The following KMT2C variants were observed in gnomAD, a reference collection of about 807,000 sequenced individuals.
KMT2C encodes the protein histone-lysine N-methyltransferase 2C.
In KMT2C, 88 loss-of-function variants were observed where a neutral mutation model predicts 507.9. That is an observed-to-expected ratio of 0.17 (90% CI 0.15 to 0.21). KMT2C has a LOEUF of 0.21. Ranked by LOEUF, KMT2C falls within the 10% of genes least tolerant of loss-of-function variation. KMT2C has a pLI of 1.00. For synonymous variants in KMT2C, 2,049 were observed against 2,080.8 expected (o/e 0.98, Z 0.42); for missense variants, 4,954 against 5,957.8 (o/e 0.83, Z 5.55).
intron 1 of KMT2C, among the ~76,000 whole-genome samples, chr7:152,370,992 CAAG>C: frequency 6.6e-6 from 1 of 152,264 alleles, no homozygotes; most frequent in Admixed American, 6.5e-5. Context: ...ACCTGCCTTA[CAAG>C]AAATGCTAAA....
chr7:152,336,121 T>C (rs2096933003), intron 2 of KMT2C, among the ~76,000 whole-genome samples: 1 of 152,172 alleles, frequency 6.6e-6, no homozygotes, highest in Admixed American at 6.5e-5. Context: ...TTAGATTTTG[T>C]TGTTTCAGTC....
chr7:152,388,351 G>A (rs1051725869), intron 1 of KMT2C, among the ~76,000 whole-genome samples: 5 of 151,974 alleles, frequency 3.3e-5, no homozygotes, highest in Non-Finnish European at 7.4e-5. Flanking sequence ...CTGAGGTCAG[G>A]AGTTCAAGAC....
chr7:152,169,242 C>T lies in KMT2C; in HGVS notation c.9461G>A (p.Ser3154Asn). The change falls in exon 41 of 59, where the codon AGT becomes AAT. Residue 3154 changes from serine to asparagine, a missense_variant. Physicochemically the swap from Ser to Asn is conservative, Grantham distance 46 (BLOSUM62 1). Transcript: ENST00000262189. ...LGPQAIPQDG[S>N]ITHQISRPNP... The stretch of plus-strand genomic sequence containing the variant: ...AGGCCTAGAAATCTGATGTGTTATA[C>T]TGCCATCCTAAAATAAGTAAAATTT... 1.3e-6 allele frequency: 2 copies of T among 1,590,000 alleles called. No homozygotes were observed. The highest frequency in any genetic ancestry group is 1.7e-6 in the Non-Finnish European group (2 of 1,158,520).
intron 6 of KMT2C, among the ~76,000 whole-genome samples, chr7:152,288,664 T>C (rs2129184765): frequency 6.6e-6 from 1 of 152,282 alleles, no homozygotes; most frequent in African/African-American, 2.4e-5. Context: ...GAACAATTAT[T>C]CGAAGACCCA....
chr7:152,216,114 C>T (rs2094576876), intron 23 of KMT2C, among the ~76,000 whole-genome samples: 1 of 152,138 alleles, frequency 6.6e-6, no homozygotes, highest in South Asian at 2.1e-4. Flanking sequence ...TCCCACACCT[C>T]CCAACACATC....
chr7:152,373,716 C>T (rs529569599), intron 1 of KMT2C, among the ~76,000 whole-genome samples: 18 of 152,024 alleles, frequency 1.2e-4, no homozygotes, highest in Non-Finnish European at 2.4e-4. Context: ...AACATATAAA[C>T]ATCAATAACT....
intron 6 of KMT2C, among the ~76,000 whole-genome samples, chr7:152,295,937 G>A (rs887072994): frequency 1.5e-4 from 23 of 151,878 alleles, no homozygotes; most frequent in African/African-American, 2.2e-4. Context: ...GCATGGTGGC[G>A]GGTGCCTATA....
rs1238958274 is a variant in KMT2C at position 152,162,941 on chromosome 7, G to T, written c.10636C>A (p.Gln3546Lys). 1 of 1,614,190 alleles carries T rather than the reference G, an allele frequency of 6.2e-7. No individual in the cohort carries two copies. The highest frequency in any genetic ancestry group is 1.1e-5 in the South Asian group (1 of 91,084). ...GTAAAAGAAGGCCTCACTGGGGACT[G>T]CTGGAAGCTGGTCCCAGAAAGATTT... Reference protein sequence around the residue: ...HGNLSGTSFQQSPVRPSFTPA... With the variant: ...HGNLSGTSFQKSPVRPSFTPA... Residue 3546 changes from glutamine to lysine, a missense_variant, in exon 43 of 59, where the codon CAG becomes AAG. Transcript: ENST00000262189.
intron 1 of KMT2C, among the ~76,000 whole-genome samples, chr7:152,382,183 C>G (rs1170205528): frequency 6.6e-6 from 1 of 152,172 alleles, no homozygotes; most frequent in Non-Finnish European, 1.5e-5. Flanking sequence ...CATAAACAAC[C>G]TTTCCAGATC....
intron 2 of KMT2C, among the ~76,000 whole-genome samples, chr7:152,332,369 T>C (rs928445955): frequency 3.9e-5 from 6 of 152,196 alleles, no homozygotes; most frequent in Admixed American, 2.6e-4. Flanking sequence ...TCTTTTCTAA[T>C]TTGAAATTTA....
chr7:152,371,469 GAAAC>G (rs1271376897), intron 1 of KMT2C, among the ~76,000 whole-genome samples: 4 of 152,090 alleles, frequency 2.6e-5, no homozygotes, highest in Admixed American at 6.6e-5. Context: ...GAGGAAGACT[GAAAC>G]AAACAAACTT....
At chr7:152,390,566 T>C (rs2097484682) in intron 1 of KMT2C, among the ~76,000 whole-genome samples, 1 of 152,232 alleles carries the variant, frequency 6.6e-6, no homozygotes, top group South Asian at 2.1e-4. Context: ...GTATACATTA[T>C]CATTTAATTC....
intron 6 of KMT2C, among the ~76,000 whole-genome samples, chr7:152,280,257 G>A (rs1163604672): frequency 2.0e-5 from 3 of 152,106 alleles, no homozygotes; most frequent in Non-Finnish European, 4.4e-5. Flanking sequence ...AAAATGGTGA[G>A]CTCAGCAGGG....
intron 14 of KMT2C, among the ~76,000 whole-genome samples, chr7:152,239,944 G>T (rs1272272913): frequency 1.3e-5 from 2 of 152,146 alleles, no homozygotes; most frequent in South Asian, 2.1e-4. Context: ...CTACTCTTGG[G>T]GTAAGAGATA....
chr7:152,369,039 A>G (rs1436702795), intron 1 of KMT2C, among the ~76,000 whole-genome samples: 1 of 152,060 alleles, frequency 6.6e-6, no homozygotes, highest in Admixed American at 6.6e-5. Flanking sequence ...AAAATAGTTA[A>G]GGGCCAGGAG....
chr7:152,392,676 G>T (rs193134052), intron 1 of KMT2C, among the ~76,000 whole-genome samples: 1 of 152,130 alleles, frequency 6.6e-6, no homozygotes, highest in African/African-American at 2.4e-5. Flanking sequence ...AGCACAACAA[G>T]AACGGAGCTG....
chr7:152,246,235 T>C (rs1441950889), intron 14 of KMT2C, among the ~76,000 whole-genome samples: 4 of 152,208 alleles, frequency 2.6e-5, no homozygotes, highest in African/African-American at 9.6e-5. Flanking sequence ...GCTAGATAAC[T>C]AAAACCAAGA....
At chr7:152,189,177 G>C (rs1418679126) in intron 31 of KMT2C, among the ~76,000 whole-genome samples, 1 of 152,108 alleles carries the variant, frequency 6.6e-6, no homozygotes. Flanking sequence ...CTTTAAGCAT[G>C]TAACTCCAGT....
intron 1 of KMT2C, among the ~76,000 whole-genome samples, chr7:152,395,625 A>T (rs2097533659): frequency 6.6e-6 from 1 of 151,988 alleles, no homozygotes; most frequent in African/African-American, 2.4e-5. Flanking sequence ...CTCCTGCTTC[A>T]GCCTCCTGAG....
Sources: allele counts gnomAD v4.1 joint callset (sites outside exome capture counted in the v4.1 genomes callset), GRCh38; gene constraint gnomAD v4.1.1; transcripts MANE v1.5; gene names NCBI Gene and HGNC (gene_info 2026-07-23, HGNC 2026-07-21).